ALK: variants seen among roughly 807,000 people sequenced by gnomAD.
ALK encodes the protein ALK receptor tyrosine kinase.
ALK carries 74 observed loss-of-function variants against 163.1 expected under a neutral mutation model. The observed-to-expected ratio is 0.45, with a 90% CI of 0.38 to 0.55. The LOEUF is 0.55. Among genes scored for constraint, ALK ranks in the 20% least tolerant of loss-of-function variants. ALK has a pLI of 0.00. For synonymous variants in ALK, 960 were observed against 843.2 expected (o/e 1.14, Z -2.40); for missense variants, 2,063 against 2,105.3 (o/e 0.98, Z 0.39).
At chr2:29,315,890 T>C (rs774880503) in intron 8 of ALK, among the ~76,000 whole-genome samples, 3 of 152,182 alleles carry the variant, frequency 2.0e-5, no homozygotes, top group Non-Finnish European at 4.4e-5. Context: ...AGGGCTCAGC[T>C]GGACCAGTCG....
chr2:29,534,949 T>C (rs1673214116), intron 3 of ALK, among the ~76,000 whole-genome samples: 1 of 152,212 alleles, frequency 6.6e-6, no homozygotes, highest in African/African-American at 2.4e-5. Flanking sequence ...ATTTTCACTC[T>C]CAATGGAACT....
intron 1 of ALK, among the ~76,000 whole-genome samples, chr2:29,911,998 A>G (rs140404765): frequency 5.9e-5 from 9 of 152,220 alleles, no homozygotes; most frequent in East Asian, 1.9e-4. Flanking sequence ...GTAAATAATT[A>G]TATCAGAATG....
chr2:29,268,490 C>T (rs1665295578), intron 11 of ALK, among the ~76,000 whole-genome samples: 1 of 152,150 alleles, frequency 6.6e-6, no homozygotes, highest in Non-Finnish European at 1.5e-5. Flanking sequence ...AACACTTTGG[C>T]TCGTTCACAG....
chr2:29,211,618 A>G (rs1669468259), intron 24 of ALK, among the ~76,000 whole-genome samples: 1 of 152,246 alleles, frequency 6.6e-6, no homozygotes, highest in South Asian at 2.1e-4. Context: ...AAAAGTATAC[A>G]TGTGTGGAAG....
At chr2:29,695,157 G>C in intron 2 of ALK, 143 bp from the exon 3 acceptor site, 1 of 875,684 alleles carries the variant, frequency 1.1e-6, no homozygotes, top group Non-Finnish European at 1.8e-6. Context: ...CAATACCACA[G>C]GGCTCTGTAT....
intron 5 of ALK, among the ~76,000 whole-genome samples, chr2:29,350,484 G>A (rs1256116891): frequency 6.6e-6 from 1 of 152,078 alleles, no homozygotes; most frequent in Non-Finnish European, 1.5e-5. Context: ...GAGTCAGCCT[G>A]CCCCACCTCT....
At chr2:29,322,183 C>G (rs1667076661) in intron 6 of ALK, among the ~76,000 whole-genome samples, 1 of 152,240 alleles carries the variant, frequency 6.6e-6, no homozygotes, top group Admixed American at 6.5e-5. Flanking sequence ...TCTGTCTCAG[C>G]CTTCTTGGCA....
intron 1 of ALK, among the ~76,000 whole-genome samples, chr2:29,817,711 C>G (rs554342578): frequency 6.6e-6 from 1 of 152,230 alleles, no homozygotes; most frequent in Non-Finnish European, 1.5e-5. Context: ...TTATACATAC[C>G]ACTGTGTTTT....
chr2:29,285,604 C>G (rs1008388983), intron 9 of ALK, among the ~76,000 whole-genome samples: 1 of 150,706 alleles, frequency 6.6e-6, no homozygotes, highest in Non-Finnish European at 1.5e-5. Context: ...TTTCTGTCGC[C>G]CAGGCTGGAA....
chr2:29,919,966 C>G, intron 1 of ALK, 27 bp downstream of exon 1: 1 of 1,609,970 alleles, frequency 6.2e-7, no homozygotes, highest in South Asian at 1.1e-5. Context: ...CACTAAATCC[C>G]GGCACACTCA....
chr2:29,694,515 T>A (rs1678495669), intron 3 of ALK, among the ~76,000 whole-genome samples: 1 of 152,360 alleles, frequency 6.6e-6, no homozygotes, highest in Non-Finnish European at 1.5e-5. Flanking sequence ...CATCTGAAAT[T>A]CAAATTTAAT....
At chr2:29,636,763 A>G (rs1676545303) in intron 3 of ALK, among the ~76,000 whole-genome samples, 3 of 152,230 alleles carry the variant, frequency 2.0e-5, no homozygotes, top group Admixed American at 2.0e-4. Context: ...AAAATATTCA[A>G]ATTAGAAAAC....
intron 4 of ALK, among the ~76,000 whole-genome samples, chr2:29,426,064 T>C (rs1670127659): frequency 6.6e-6 from 1 of 152,092 alleles, no homozygotes; most frequent in Non-Finnish European, 1.5e-5. Context: ...CCAAAAACAA[T>C]GGAATAATCA....
At chr2:29,717,412 C>T (rs895349908) in intron 2 of ALK, among the ~76,000 whole-genome samples, 166 bp downstream of exon 2, 2 of 151,994 alleles carry the variant, frequency 1.3e-5, no homozygotes, top group East Asian at 1.9e-4. Flanking sequence ...GAATGGTCCA[C>T]GGGGTTGAGC....
At chr2:29,380,869 G>A (rs530842249) in intron 5 of ALK, among the ~76,000 whole-genome samples, 6 of 152,176 alleles carry the variant, frequency 3.9e-5, no homozygotes, top group African/African-American at 1.4e-4. Flanking sequence ...AATTCAACAT[G>A]AAATTTGGTG....
rs902779190 is a variant in ALK, at chr2:29,698,777, G to A, written c.788-3763C>T. ...TATGCAAATGTACCGATTAAAATGCGTTCCTTCTGTAATTCTTAGTCCGCA... is the reference window on the plus strand; with the variant it reads ...TATGCAAATGTACCGATTAAAATGCATTCCTTCTGTAATTCTTAGTCCGCA... On this transcript the variant is annotated intron_variant, in intron 2 of 28. Transcript: ENST00000389048. Among the ~76,000 whole-genome samples the A allele has an allele frequency of 5.9e-5, 9 of 152,292 alleles. No homozygotes were observed. The South Asian group carries it at 8.3e-4, about 14-fold the overall frequency.
chr2:29,238,180 G>C (rs1343308977), intron 13 of ALK, among the ~76,000 whole-genome samples: 1 of 152,116 alleles, frequency 6.6e-6, no homozygotes. Context: ...TGCCACATCC[G>C]GCAGTTTAAT....
intron 11 of ALK, among the ~76,000 whole-genome samples, chr2:29,259,729 T>C (rs536577335): frequency 2.6e-5 from 4 of 152,282 alleles, no homozygotes; most frequent in Non-Finnish European, 4.4e-5. Context: ...GTACCGCTCA[T>C]TCTGGGTTAA....
intron 4 of ALK, among the ~76,000 whole-genome samples, chr2:29,450,199 C>T (rs759055355): frequency 1.3e-5 from 2 of 152,162 alleles, no homozygotes; most frequent in Admixed American, 6.5e-5. Context: ...AATAGAAACA[C>T]ATGGGACGCC....
Sources: allele counts gnomAD v4.1 joint callset (sites outside exome capture counted in the v4.1 genomes callset), GRCh38; gene constraint gnomAD v4.1.1; transcripts MANE v1.5; gene names NCBI Gene and HGNC (gene_info 2026-07-23, HGNC 2026-07-21).